DOCK1: variants seen among roughly 807,000 people sequenced by gnomAD.
The protein encoded by DOCK1 is dedicator of cytokinesis protein 1.
In DOCK1, 138 loss-of-function variants were observed where a neutral mutation model predicts 262.7. The ratio of observed to expected loss-of-function variants is 0.53; its 90% CI spans 0.46 to 0.61. The LOEUF (loss-of-function observed/expected upper bound fraction) is 0.61, where lower values mean the gene tolerates loss of function less well. Among genes scored for constraint, DOCK1 ranks in the 20% least tolerant of loss-of-function variants. The pLI is 0.00. For synonymous variants in DOCK1, 866 were observed against 867.4 expected (o/e 1.00, Z 0.03); for missense variants, 1,908 against 2,370.7 (o/e 0.80, Z 4.05).
chr10:127,304,748 G>C (rs562992045), intron 29 of DOCK1, among the ~76,000 whole-genome samples: 3 of 152,132 alleles, frequency 2.0e-5, no homozygotes, highest in Non-Finnish European at 4.4e-5. Flanking sequence ...TTGGTGTGGT[G>C]GTGCATGCCT....
In DOCK1 at chr10:127,411,429, C is replaced by T. The variant is rs966367636; in HGVS notation, c.4428+505C>T. Among the ~76,000 whole-genome samples, 7 of 152,242 alleles carry T rather than the reference C, an allele frequency of 4.6e-5. No individual in the cohort carries two copies. In the East Asian group the frequency reaches 5.8e-4, roughly 13 times the overall value. Reference sequence around the variant, plus strand: ...GTTGACCCCAGCACTACTAGCAATACGGACCGGGTTATTCTCTGTGGTGGG... The same window carrying T: ...GTTGACCCCAGCACTACTAGCAATATGGACCGGGTTATTCTCTGTGGTGGG... On this transcript the variant is annotated intron_variant, in intron 43 of 51. Transcript: ENST00000623213.
intron 47 of DOCK1, among the ~76,000 whole-genome samples, chr10:127,430,848 A>T (rs1377597885): frequency 1.3e-5 from 2 of 152,168 alleles, no homozygotes; most frequent in African/African-American, 4.8e-5. Flanking sequence ...GGCTGGCTCA[A>T]GGTGGGACGT....
chr10:127,124,683 C>T (rs575630359), intron 25 of DOCK1, among the ~76,000 whole-genome samples: 1 of 152,288 alleles, frequency 6.6e-6, no homozygotes, highest in East Asian at 1.9e-4. Context: ...CTTTTCATTT[C>T]CTGTTCCTCC....
chr10:127,213,941 G>A (rs1418920507), intron 27 of DOCK1, among the ~76,000 whole-genome samples: 1 of 152,182 alleles, frequency 6.6e-6, no homozygotes, highest in East Asian at 1.9e-4. Context: ...TGGGGTTCAC[G>A]CCATTCTCCT....
chr10:126,942,204 T>C (rs1049974668), intron 1 of DOCK1, among the ~76,000 whole-genome samples: 11 of 152,262 alleles, frequency 7.2e-5, no homozygotes, highest in African/African-American at 2.6e-4. Context: ...TTTGTACTTT[T>C]AGTAGAGACA....
chr10:127,112,424 T>G (rs1234124676), intron 25 of DOCK1, among the ~76,000 whole-genome samples: 3 of 152,240 alleles, frequency 2.0e-5, no homozygotes, highest in Non-Finnish European at 4.4e-5. Context: ...TTTGTAATTG[T>G]GTTCTGTCCC....
At chr10:127,244,123 G>A (rs1183413696) in intron 27 of DOCK1, among the ~76,000 whole-genome samples, 4 of 151,874 alleles carry the variant, frequency 2.6e-5, no homozygotes, top group African/African-American at 7.2e-5. Context: ...AAAAATATAG[G>A]ACCCCCAGTT....
chr10:127,406,512 AG>A (rs2067523019), intron 40 of DOCK1, among the ~76,000 whole-genome samples: 1 of 152,250 alleles, frequency 6.6e-6, no homozygotes, highest in South Asian at 2.1e-4. Flanking sequence ...ATGAGCTGGC[AG>A]GGGTCAATCT....
intron 27 of DOCK1, among the ~76,000 whole-genome samples, chr10:127,213,374 C>G (rs1564908200): frequency 6.6e-6 from 1 of 152,090 alleles, no homozygotes; most frequent in African/African-American, 2.4e-5. Flanking sequence ...TAGAATGTTC[C>G]CAAGAAAGGT....
chr10:126,969,175 C>T (rs1374435336), intron 1 of DOCK1, among the ~76,000 whole-genome samples: 2 of 152,214 alleles, frequency 1.3e-5, no homozygotes, highest in South Asian at 2.1e-4. Context: ...ACAAAACACA[C>T]ACGCAATTCT....
At chr10:127,111,757 A>T (rs2048878999) in intron 25 of DOCK1, among the ~76,000 whole-genome samples, 1 of 152,180 alleles carries the variant, frequency 6.6e-6, no homozygotes, top group Admixed American at 6.6e-5. Flanking sequence ...ACACACAGCG[A>T]CATACTGCAT....
At chr10:127,373,610 C>G (rs1439932660) in intron 33 of DOCK1, among the ~76,000 whole-genome samples, 171 bp from the exon 34 acceptor site, 1 of 152,144 alleles carries the variant, frequency 6.6e-6, no homozygotes, top group Non-Finnish European at 1.5e-5. Flanking sequence ...GGCAAGGGAT[C>G]ATCAGAAACC....
chr10:127,169,772 A>G (rs1308705806), intron 27 of DOCK1, among the ~76,000 whole-genome samples: 3 of 152,232 alleles, frequency 2.0e-5, no homozygotes, highest in African/African-American at 7.2e-5. Context: ...ACAGATGTCC[A>G]TGAGACTAAG....
chr10:126,937,755 G>A (rs1251406617), intron 1 of DOCK1, among the ~76,000 whole-genome samples: 1 of 151,864 alleles, frequency 6.6e-6, no homozygotes, highest in African/African-American at 2.4e-5. Context: ...AGCCCTTAGT[G>A]GATATAGGAT....
chr10:127,376,913 A>G (rs1406176922), intron 35 of DOCK1, among the ~76,000 whole-genome samples: 1 of 152,228 alleles, frequency 6.6e-6, no homozygotes, highest in Admixed American at 6.5e-5. Flanking sequence ...CTCTTGTAAT[A>G]AAACCTACAA....
At chr10:127,267,244 T>G (rs920348807) in intron 29 of DOCK1, among the ~76,000 whole-genome samples, 15 of 152,218 alleles carry the variant, frequency 9.9e-5, no homozygotes, top group Non-Finnish European at 2.2e-4. Context: ...GGATGGAAAC[T>G]GACCTACGAC....
At chr10:126,928,100 G>A (rs2033901956) in intron 1 of DOCK1, among the ~76,000 whole-genome samples, 1 of 152,190 alleles carries the variant, frequency 6.6e-6, no homozygotes, top group Non-Finnish European at 1.5e-5. Flanking sequence ...TCCTAGCCTC[G>A]TGTCGCTCGT....
At chr10:126,919,634 G>A (rs73382560) in intron 1 of DOCK1, among the ~76,000 whole-genome samples, 2,502 of 152,246 alleles carry the variant, frequency 0.016, 85 homozygotes, top group African/African-American at 0.057. Flanking sequence ...CTCTGTGGCC[G>A]TCAGCCCGTT....
chr10:127,012,427 C>T lies in DOCK1; in HGVS notation c.1201+53C>T, dbSNP rs1422668029. ...CAGCGTGTATTTGCATGCGTTGGGGCAGTGCTGTCTGGGTTGGTTTTAGTT... is the reference window on the plus strand; with the variant it reads ...CAGCGTGTATTTGCATGCGTTGGGGTAGTGCTGTCTGGGTTGGTTTTAGTT... On this transcript the variant is annotated intron_variant, in intron 12 of 51. Coordinates refer to ENST00000623213, the MANE Select transcript of DOCK1 (RefSeq NM_001290223.2). This position sits in a 1 kb window ranked among gnomAD's most constrained non-coding sequence, Gnocchi z 4.0. The T allele has an allele frequency of 6.4e-7, 1 of 1,555,390 alleles. No homozygotes were observed. Among genetic ancestry groups the T allele is most frequent in the East Asian group, 2.2e-5 (1 of 44,556 alleles).
Sources: allele counts gnomAD v4.1 joint callset (sites outside exome capture counted in the v4.1 genomes callset), GRCh38; gene constraint gnomAD v4.1.1; non-coding constraint Gnocchi (gnomAD v3.1); transcripts MANE v1.5; gene names NCBI Gene and HGNC (gene_info 2026-07-23, HGNC 2026-07-21).